Variants in SHROOM4 observed in about 807,000 individuals in gnomAD.
SHROOM4 encodes protein Shroom4.
Under a neutral mutation model 80.3 loss-of-function variants are expected in SHROOM4, and 17 were observed. The observed-to-expected ratio is 0.21, with a 90% CI of 0.14 to 0.32. The LOEUF (loss-of-function observed/expected upper bound fraction) is 0.32. SHROOM4 is among the 10% of genes least tolerant of loss of function. The pLI is 1.00. For synonymous variants in SHROOM4, 400 were observed against 437.5 expected (o/e 0.91, Z 1.07); for missense variants, 993 against 1,140.3 (o/e 0.87, Z 1.86).
In SHROOM4 at chrX:50,633,654, T is replaced by C. The variant is rs782392351; in HGVS notation, c.2419A>G (p.Ile807Val). ...CTCATTGGCTGGAAGTTTTGGTCTA[T>C]AGGTTTTGGTCTCTGGGTAAAAGTC... ...NKTFTQRPKPIDQNFQPMSSS... is the reference protein window; with the variant it reads ...NKTFTQRPKPVDQNFQPMSSS... The change falls in exon 4 of 9, where the codon ATA (isoleucine) becomes GTA (valine). Residue 807 changes from isoleucine to valine, a missense_variant. Coordinates refer to ENST00000376020, the MANE Select transcript of SHROOM4 (RefSeq NM_020717.5). 7 of 1,212,035 alleles carry C rather than the reference T, an allele frequency of 5.8e-6. No homozygotes were observed. The Admixed American group carries it at 6.5e-5, about 11-fold the overall frequency.
In SHROOM4 at chrX:50,592,791, A is replaced by G. The variant is rs2147198114; in HGVS notation, c.*3904T>C. Reference sequence around the variant, plus strand: ...GGAAGAAGTCTAGAAAGAATGGCTTACCTTCGATCAGGCTAGACTCCAGAA... The same window carrying G: ...GGAAGAAGTCTAGAAAGAATGGCTTGCCTTCGATCAGGCTAGACTCCAGAA... On this transcript the variant is annotated 3_prime_UTR_variant, in exon 9 of 9. Coordinates refer to ENST00000376020, the MANE Select transcript of SHROOM4 (RefSeq NM_020717.5). 8.6e-6 allele frequency: 1 copy of G among 116,875 alleles called. No individual in the cohort carries two copies. Among genetic ancestry groups the G allele is most frequent in the African/African-American group, 3.2e-5 (1 of 30,801 alleles). The allele number at this position is 116,875 out of a possible 1,213,427, so 9.6% of individuals were successfully genotyped here.
intron 1 of SHROOM4, among the ~76,000 whole-genome samples, chrX:50,797,585 C>G (rs898424688): frequency 1.8e-5 from 2 of 111,710 alleles, no homozygotes; most frequent in Non-Finnish European, 3.8e-5. Context: ...GGAAACTATT[C>G]TCCGCCTTTT....
At chrX:50,579,766 G>A in the SHROOM4 span, among the ~76,000 whole-genome samples, 2 of 111,778 alleles carry the variant, frequency 1.8e-5, no homozygotes, top group Non-Finnish European at 3.8e-5. Context: ...AGAGTAGGAA[G>A]AGGATAGGTG....
chrX:50,771,174 C>G (rs1448693106), intron 1 of SHROOM4, among the ~76,000 whole-genome samples: 3 of 111,081 alleles, frequency 2.7e-5, no homozygotes, highest in African/African-American at 9.8e-5. Flanking sequence ...AAAGGTATTT[C>G]TCCCCAAATC....
At chrX:50,737,779 A>T (rs1377447634) in intron 1 of SHROOM4, among the ~76,000 whole-genome samples, 1 of 111,831 alleles carries the variant, frequency 8.9e-6, no homozygotes, top group Admixed American at 9.5e-5. Context: ...TTCCTTCTGA[A>T]ACTATTCCAA....
intron 1 of SHROOM4, among the ~76,000 whole-genome samples, chrX:50,727,113 GATTTAATGAATA>G (rs1336301968): frequency 1.8e-5 from 2 of 113,056 alleles, no homozygotes; most frequent in African/African-American, 6.4e-5. Context: ...GGAGCTTTAA[GATTTAATGAATA>G]CCCTTCTGGG....
rs1557255783 is a variant in SHROOM4 at position 50,635,411 on chromosome X, G to A, written c.662C>T (p.Pro221Leu). The A allele has an allele frequency of 1.7e-6, 2 of 1,207,004 alleles. No individual in the cohort carries two copies. Among genetic ancestry groups the A allele is most frequent in the Admixed American group, 2.2e-5 (1 of 45,560 alleles). ...GCCACTGGGGGCCTTAGTTGGCCCT[G>A]GGCCTTGCATGATGCAGTCTGTAGA... ...PASTDCIMQG[P>L]GPTKAPSGRP... Residue 221 changes from proline to leucine, a missense_variant, in exon 4 of 9, where the codon CCA (proline) becomes CTA (leucine). Coordinates refer to ENST00000376020, the MANE Select transcript of SHROOM4 (RefSeq NM_020717.5).
chrX:50,644,846 T>C (rs781904509), intron 2 of SHROOM4, among the ~76,000 whole-genome samples: 1 of 112,261 alleles, frequency 8.9e-6, no homozygotes, highest in South Asian at 3.8e-4. Flanking sequence ...AGCTCTACCA[T>C]TCACTAGTTG....
At chrX:50,786,398 T>C (rs1352435176) in intron 1 of SHROOM4, among the ~76,000 whole-genome samples, 5 of 111,935 alleles carry the variant, frequency 4.5e-5, no homozygotes, top group African/African-American at 1.6e-4. Context: ...CTAGCTCCTA[T>C]CTTCTCTCTG....
chrX:50,610,575 C>A (rs975793016), intron 5 of SHROOM4, among the ~76,000 whole-genome samples: 4 of 111,616 alleles, frequency 3.6e-5, no homozygotes, highest in Admixed American at 2.9e-4. Flanking sequence ...ATTTTCTGCT[C>A]CAATCTCTAA....
At chrX:50,722,925 T>C (rs1402123411) in intron 1 of SHROOM4, among the ~76,000 whole-genome samples, 1 of 110,787 alleles carries the variant, frequency 9.0e-6, no homozygotes, top group Non-Finnish European at 1.9e-5. Context: ...AGATATAATT[T>C]ACACACAATA....
At chrX:50,791,873 G>A (rs1935860083) in intron 1 of SHROOM4, among the ~76,000 whole-genome samples, 1 of 110,933 alleles carries the variant, frequency 9.0e-6, no homozygotes, top group Non-Finnish European at 1.9e-5. Context: ...CAAGGGCACA[G>A]AAGAGACAGC....
intron 1 of SHROOM4, among the ~76,000 whole-genome samples, chrX:50,748,000 A>G (rs1659667371): frequency 8.9e-6 from 1 of 111,852 alleles, no homozygotes; most frequent in Non-Finnish European, 1.9e-5. Flanking sequence ...TAGTTCAACT[A>G]TTCCATGCTG....
At chrX:50,795,064 T>C (rs1358217476) in intron 1 of SHROOM4, among the ~76,000 whole-genome samples, 2 of 62,823 alleles carry the variant, frequency 3.2e-5, no homozygotes, top group African/African-American at 1.5e-4. Flanking sequence ...ATATATATGA[T>C]ATATATATAT....
intron 1 of SHROOM4, among the ~76,000 whole-genome samples, chrX:50,795,881 A>C (rs1936000642): frequency 8.9e-6 from 1 of 112,181 alleles, no homozygotes; most frequent in Non-Finnish European, 1.9e-5. Flanking sequence ...GGATTAAATA[A>C]TACATGTAAA....
rs184938025 is a variant in SHROOM4 at position 50,628,082 on chromosome X, A to T, written c.2896-407T>A. 3.0e-4 allele frequency among the ~76,000 whole-genome samples: 34 copies of T among 111,969 alleles called. No homozygotes were observed. The Admixed American group carries it at 3.1e-3, about 10-fold the overall frequency. On this transcript the variant is annotated intron_variant, in intron 4 of 8. Coordinates refer to ENST00000376020, the MANE Select transcript of SHROOM4 (RefSeq NM_020717.5). ...ATTCCTCCTGCCTCTTCCAACAGAG[A>T]AAGCATCTACTTGGAAGCCCTGACC...
rs868911128 is a variant in SHROOM4, at chrX:50,808,151, A to C, written c.117+5751T>G. Among the ~76,000 whole-genome samples the C allele has an allele frequency of 3.6e-5, 4 of 111,637 alleles. No individual in the cohort carries two copies. In the South Asian group the frequency reaches 1.5e-3, roughly 42 times the overall value. Reference sequence around the variant, plus strand: ...GAAAAGTGAAACAAGATGATATAATATTTGCCTTCAGATATCCCAAGGGCT... The same window carrying C: ...GAAAAGTGAAACAAGATGATATAATCTTTGCCTTCAGATATCCCAAGGGCT... On this transcript the variant is annotated intron_variant, in intron 1 of 8. Transcript: ENST00000376020.
At chrX:50,586,593 C>A (rs1427585933), downstream of SHROOM4, among the ~76,000 whole-genome samples, 1 of 111,778 alleles carries the variant, frequency 8.9e-6, no homozygotes, top group Non-Finnish European at 1.9e-5. Flanking sequence ...TTTGCCAGAA[C>A]CCCTTAGTCT....
At chrX:50,686,974 C>T (rs1933089250) in intron 2 of SHROOM4, 1 of 112,404 alleles carries the variant, frequency 8.9e-6, no homozygotes, top group Non-Finnish European at 1.9e-5. Context: ...GTACCAACCA[C>T]ATCATTGCCC....
Sources: gnomAD v4.1 joint callset for allele counts (sites outside exome capture counted in the v4.1 genomes callset) on GRCh38, gnomAD v4.1.1 for gene constraint, MANE v1.5 for transcripts, NCBI Gene and HGNC (gene_info 2026-07-23, HGNC 2026-07-21) for gene names.